SUN1: variants seen among roughly 807,000 people sequenced by gnomAD.
SUN1 encodes the protein SUN domain-containing protein 1.
In SUN1, 61 loss-of-function variants were observed where a neutral mutation model predicts 103.2. The observed-to-expected ratio is 0.59, with a 90% confidence interval of 0.48 to 0.73. The LOEUF is 0.73. Among genes scored for constraint, SUN1 ranks in the 30% least tolerant of loss-of-function variants. The pLI, the probability that SUN1 is intolerant of heterozygous loss-of-function variation, is 0.00. For missense variants in SUN1, 1,052 were observed against 1,034.6 expected (o/e 1.02, Z -0.23); for synonymous variants, 490 against 425.7 (o/e 1.15, Z -1.86).
rs533543654 is a variant in SUN1 at position 865,328 on chromosome 7, C to T, written c.1865-624C>T. On this transcript the variant is annotated intron_variant, in intron 15 of 18. Coordinates refer to ENST00000401592, the MANE Select transcript of SUN1 (RefSeq NM_001130965.3). The stretch of plus-strand genomic sequence containing the variant: ...TTGCTATGGGGTTGGCCAGGCTGGT[C>T]TGGAACTCCTGACCTCAAGTGATCC... 2.6e-4 allele frequency among the ~76,000 whole-genome samples: 40 copies of T among 152,240 alleles called. No homozygotes were observed. The Middle Eastern group carries it at 0.014, about 52-fold the overall frequency.
chr7:819,239 G>A (rs1254423990), intron 1 of SUN1, among the ~76,000 whole-genome samples: 1 of 145,432 alleles, frequency 6.9e-6, no homozygotes, highest in Non-Finnish European at 1.5e-5. Context: ...CTGTATACTA[G>A]ACCCTCATTA....
At position 873,557 on chromosome 7, in the gene SUN1, G is replaced by C; in HGVS notation, c.*226G>C. 1 of 498,140 alleles carries C rather than the reference G, an allele frequency of 2.0e-6. No individual in the cohort carries two copies. The highest frequency in any genetic ancestry group is 3.3e-5 in the East Asian group (1 of 30,588). The allele number at this position is 498,140 out of a possible 1,614,324, so 30.9% of individuals were successfully genotyped here. ...GAGGGGTCAGCAGCAGGAGAAGCGT[G>C]TTGAACACGTGGCTCTCAGACACTC... On this transcript the variant is annotated 3_prime_UTR_variant, in exon 19 of 19. Transcript: ENST00000401592.
chr7:841,973 CAA>C lies in SUN1; in HGVS notation c.296_297del (p.Lys99IlefsTer4), dbSNP rs1439407461. On this transcript the variant is annotated frameshift_variant, in exon 3 of 19. Transcript: ENST00000401592. LOFTEE classifies it high-confidence loss of function. ...RTTKQRRSTNKSAFSINHVSR... is the reference protein window; with the variant it reads ...RTTKQRRSTNXSAFSINHVSR... ...CAACAAAACAGCGCAGAAGCACAAA[CAA>C]ATCAGCTTTTAGTATCAACCACGTG... 6.2e-7 allele frequency: 1 copy of C among 1,613,930 alleles called. No homozygotes were observed. Among genetic ancestry groups the C allele is most frequent in the Admixed American group, 1.7e-5 (1 of 59,988 alleles).
intron 1 of SUN1, among the ~76,000 whole-genome samples, chr7:825,021 A>G (rs570279549): frequency 2.5e-4 from 38 of 152,040 alleles, no homozygotes; most frequent in Non-Finnish European, 4.3e-4. Flanking sequence ...ACAAATGAAG[A>G]TGAAATTTGT....
In SUN1 at chr7:853,592, G is replaced by A; in HGVS notation, c.1237G>A (p.Asp413Asn). 6.2e-7 allele frequency: 1 copy of A among 1,605,438 alleles called. No homozygotes were observed. Among genetic ancestry groups the A allele is most frequent in the Non-Finnish European group, 8.5e-7 (1 of 1,179,870 alleles). Reference sequence around the variant, plus strand: ...TGCCGGGCCGTCAGCTTCGGTCAGAGACGCTGTGGGACAGCCCCCGAGGGA... The same window carrying A: ...TGCCGGGCCGTCAGCTTCGGTCAGAAACGCTGTGGGACAGCCCCCGAGGGA... ...GAAGPSASVRDAVGQPPRETD... is the reference protein window; with the variant it reads ...GAAGPSASVRNAVGQPPRETD... Residue 413 changes from aspartate to asparagine, a missense_variant, in exon 10 of 19, where the codon GAC becomes AAC. By Grantham distance (23) the Asp-to-Asn change is conservative (BLOSUM62 1). Coordinates refer to ENST00000401592, the MANE Select transcript of SUN1 (RefSeq NM_001130965.3).
At chr7:833,698 A>G (rs1046016525) in intron 1 of SUN1, among the ~76,000 whole-genome samples, 3 of 152,358 alleles carry the variant, frequency 2.0e-5, no homozygotes, top group Middle Eastern at 3.4e-3. Flanking sequence ...TGTTACCAGC[A>G]TTAGTCAGAG....
chr7:866,183 T>C lies in SUN1; in HGVS notation c.1980+116T>C, dbSNP rs1585214566. On this transcript the variant is annotated intron_variant, in intron 16 of 18. Transcript: ENST00000401592. ...CGTAAGATGAACACGTCTGTGGAAC[T>C]GGTACCACAAGAAGTGGCAGCGTTC... The C allele has an allele frequency of 7.0e-6, 6 of 860,106 alleles. No homozygotes were observed. The East Asian group carries it at 1.3e-4, about 19-fold the overall frequency. 53.3% of individuals were successfully genotyped at this position (860,106 alleles called of 1,614,324 possible).
chr7:866,239 T>C (rs552929025), intron 16 of SUN1, among the ~76,000 whole-genome samples, 172 bp downstream of exon 16: 89 of 152,306 alleles, frequency 5.8e-4, no homozygotes, highest in African/African-American at 2.1e-3. Context: ...TGTCCCCGTG[T>C]AGCCTCCACG....
rs972267229 is a variant in SUN1 at position 848,719 on chromosome 7, G to A, written c.659-2665G>A. On this transcript the variant is annotated intron_variant, in intron 5 of 18. Transcript: ENST00000401592. ...GGCGCCTCCCTCGCTGCCTCCTCCT[G>A]TGGTCTTGGTGCTGGCTCTCTCCTG... is the stretch of plus-strand genomic sequence containing the variant. 5.6e-6 allele frequency: 4 copies of A among 708,702 alleles called. No individual in the cohort carries two copies. In the South Asian group the frequency reaches 7.0e-5, roughly 12 times the overall value. 43.9% of individuals were successfully genotyped at this position (708,702 alleles called of 1,614,324 possible).
upstream of SUN1, among the ~76,000 whole-genome samples, chr7:828,064 C>T (rs767999737): frequency 7.2e-5 from 11 of 151,770 alleles, no homozygotes; most frequent in East Asian, 2.0e-4. Flanking sequence ...CCACCACACC[C>T]GGCTGATTTT....
intron 1 of SUN1, among the ~76,000 whole-genome samples, chr7:835,094 A>AT (rs1801718999): frequency 1.3e-5 from 2 of 152,210 alleles, no homozygotes; most frequent in Non-Finnish European, 2.9e-5. Flanking sequence ...AACAAAATAA[A>AT]ATTTTTTTTC....
At chr7:850,052 T>TCCGTCTCATCTCGCCCTGTCA in intron 5 of SUN1, 1 of 1,550,148 alleles carries the variant, frequency 6.5e-7, no homozygotes, top group Admixed American at 1.9e-5. Context: ...TCGCCCCGTC[T>TCCGTCTCATCTCGCCCTGTCA]CCGTCTCATC....
At chr7:829,211 A>G (rs1795632127), upstream of SUN1, among the ~76,000 whole-genome samples, 1 of 152,232 alleles carries the variant, frequency 6.6e-6, no homozygotes, top group Non-Finnish European at 1.5e-5. Context: ...AATGCAAAAA[A>G]CATCTCCCTT....
chr7:841,244 A>ATCT (rs1809520559), intron 2 of SUN1, among the ~76,000 whole-genome samples: 1 of 120,126 alleles, frequency 8.3e-6, no homozygotes, highest in Non-Finnish European at 1.7e-5. Flanking sequence ...ATGACCACCT[A>ATCT]TTTTTTTTTT....
Position 861,362 on chromosome 7 carries a change from T to C in SUN1, c.1780-18T>C. On this transcript the variant is annotated intron_variant, in intron 14 of 18. Transcript: ENST00000401592. ...TCCTGTTCTGGTGTTTGGTCTTCCGTCCCTCGTGTCTGTCCAGCAAGCACG... is the reference window on the plus strand; with the variant it reads ...TCCTGTTCTGGTGTTTGGTCTTCCGCCCCTCGTGTCTGTCCAGCAAGCACG... The C allele has an allele frequency of 4.3e-6, 7 of 1,613,990 alleles. No homozygotes were observed. Among genetic ancestry groups the C allele is most frequent in the Non-Finnish European group, 5.9e-6 (7 of 1,179,958 alleles).
At chr7:851,164 A>G (rs1410603505) in intron 5 of SUN1, 1 of 376,376 alleles carries the variant, frequency 2.7e-6, no homozygotes, top group Non-Finnish European at 4.9e-6. Context: ...AGTGAGTGAA[A>G]ACTATTAAAA....
rs572352042 is a variant in SUN1 at position 873,525 on chromosome 7, A to G, written c.*194A>G. ...CCTGTTGGGTGCTCACTGCCTCTGC[A>G]GGTGCAGAGGGGTCAGCAGCAGGAG... is the stretch of plus-strand genomic sequence containing the variant. On this transcript the variant is annotated 3_prime_UTR_variant, in exon 19 of 19. Coordinates refer to ENST00000401592, the MANE Select transcript of SUN1 (RefSeq NM_001130965.3). The G allele has an allele frequency of 5.3e-6, 3 of 568,766 alleles. No individual in the cohort carries two copies. Among genetic ancestry groups the G allele is most frequent in the Non-Finnish European group, 6.2e-6 (2 of 322,106 alleles). 35.2% of individuals were successfully genotyped at this position (568,766 alleles called of 1,614,324 possible).
intron 1 of SUN1, among the ~76,000 whole-genome samples, chr7:822,784 C>T (rs1787510190): frequency 6.6e-6 from 1 of 152,196 alleles, no homozygotes; most frequent in Non-Finnish European, 1.5e-5. Flanking sequence ...GCTGACATAC[C>T]TGTTCCGGTT....
At chr7:856,320 C>T in intron 11 of SUN1, 38 bp from the exon 12 acceptor site, 1 of 1,598,596 alleles carries the variant, frequency 6.3e-7, no homozygotes, top group Non-Finnish European at 8.6e-7. Context: ...TAATATATAA[C>T]TTATGTGTTT....
Sources: gnomAD v4.1 joint callset for allele counts (sites outside exome capture counted in the v4.1 genomes callset) on GRCh38, gnomAD v4.1.1 for gene constraint, MANE v1.5 for transcripts, NCBI Gene and HGNC (gene_info 2026-07-23, HGNC 2026-07-21) for gene names.